The following ITGA11 variants were observed in gnomAD, a reference collection of about 807,000 sequenced individuals.
The protein encoded by ITGA11 is integrin subunit alpha 11, also known as integrin alpha-11.
A neutral mutation model predicts 141.9 loss-of-function variants in ITGA11; 97 were observed. The ratio of observed to expected loss-of-function variants is 0.68; its 90% CI spans 0.58 to 0.81. The LOEUF is 0.81. ITGA11 is among the 30% of genes least tolerant of loss of function. ITGA11 has a pLI of 0.00. For synonymous variants in ITGA11, 658 were observed against 624.6 expected (o/e 1.05, Z -0.80); for missense variants, 1,387 against 1,559.2 (o/e 0.89, Z 1.86).
intron 2 of ITGA11, among the ~76,000 whole-genome samples, chr15:68,387,787 G>A (rs774945831): frequency 5.0e-4 from 76 of 152,150 alleles, no homozygotes; most frequent in Admixed American, 1.1e-3. Context: ...AAGTCCTTAC[G>A]ATGCTGCACC....
chr15:68,336,108 G>C (rs1375878179), intron 11 of ITGA11: 2 of 539,660 alleles, frequency 3.7e-6, no homozygotes, highest in African/African-American at 1.9e-5. Context: ...AAGGAAGCCA[G>C]GTGGGACTGC....
At chr15:68,340,996 A>T (rs1038718743) in intron 10 of ITGA11, among the ~76,000 whole-genome samples, 2 of 152,174 alleles carry the variant, frequency 1.3e-5, no homozygotes, top group Non-Finnish European at 2.9e-5. Context: ...ACTCTCTCCC[A>T]CGGAGCCTTC....
chr15:68,427,941 G>A (rs1034612844), intron 1 of ITGA11, among the ~76,000 whole-genome samples: 7 of 152,168 alleles, frequency 4.6e-5, no homozygotes, highest in African/African-American at 1.7e-4. Context: ...GGGGACTTCA[G>A]TGATGAGGAT....
At chr15:68,361,404 C>A (rs577605245) in intron 5 of ITGA11, among the ~76,000 whole-genome samples, 186 bp downstream of exon 5, 1 of 152,240 alleles carries the variant, frequency 6.6e-6, no homozygotes, top group East Asian at 1.9e-4. Flanking sequence ...AGAGGGAGGC[C>A]AGGATTATGA....
intron 1 of ITGA11, among the ~76,000 whole-genome samples, chr15:68,409,776 A>T (rs527304524): frequency 6.6e-6 from 1 of 152,308 alleles, no homozygotes; most frequent in Non-Finnish European, 1.5e-5. Flanking sequence ...GTATATTATC[A>T]TTCTCATTTT....
At position 68,333,641 on chromosome 15, in the gene ITGA11, C is replaced by G. The variant is rs542218089; in HGVS notation, c.1426-1163G>C. Among the ~76,000 whole-genome samples, 2 of 152,340 alleles carry G rather than the reference C, an allele frequency of 1.3e-5. No individual in the cohort carries two copies. Among genetic ancestry groups the G allele is most frequent in the Admixed American group, 1.3e-4 (2 of 15,308 alleles). ...GGTGCCAATTCACCAACTGCTCCCCCCTGCTTCGTCCCTAGGTGAGGCGCC... is the reference window on the plus strand; with the variant it reads ...GGTGCCAATTCACCAACTGCTCCCCGCTGCTTCGTCCCTAGGTGAGGCGCC... On this transcript the variant is annotated intron_variant, in intron 12 of 29. Coordinates refer to ENST00000315757, the MANE Select transcript of ITGA11 (RefSeq NM_001004439.2). This position sits in a 1 kb window ranked among gnomAD's most constrained non-coding sequence, Gnocchi z 4.2.
intron 19 of ITGA11, among the ~76,000 whole-genome samples, chr15:68,320,603 T>C (rs1454937205): frequency 6.6e-6 from 1 of 152,148 alleles, no homozygotes; most frequent in African/African-American, 2.4e-5. Flanking sequence ...GCCCTTGGTG[T>C]CCCCACCATA....
chr15:68,402,513 C>G (rs1410358738), intron 2 of ITGA11, among the ~76,000 whole-genome samples: 2 of 152,056 alleles, frequency 1.3e-5, no homozygotes, highest in Non-Finnish European at 2.9e-5. Flanking sequence ...GTCTGGCTCT[C>G]CCTCCCCTTT....
chr15:68,348,832 C>A lies in ITGA11; in HGVS notation c.1129G>T (p.Glu377Ter), dbSNP rs1315900217. ...GTGCCCGTACCTCCACCACATACCT[C>A]CACCACGTGCGAGGAAAAGCCCGTC... ...SQTGFSSHVV[E>*]DGVLLGAVGA... Residue 377 changes from glutamate (E) to a stop codon, truncating the protein, a stop_gained and splice_region_variant, in exon 10 of 30, where the codon GAG (glutamate) becomes TAG (stop). Coordinates refer to ENST00000315757, the MANE Select transcript of ITGA11 (RefSeq NM_001004439.2). LOFTEE classifies it high-confidence loss of function. The A allele has an allele frequency of 6.2e-7, 1 of 1,607,310 alleles. No individual in the cohort carries two copies. Among genetic ancestry groups the A allele is most frequent in the African/African-American group, 1.3e-5 (1 of 74,922 alleles).
intron 1 of ITGA11, among the ~76,000 whole-genome samples, chr15:68,426,948 G>A (rs1486319669): frequency 6.7e-6 from 1 of 150,206 alleles, no homozygotes; most frequent in Non-Finnish European, 1.5e-5. Context: ...CTGGGAGGTG[G>A]AGGTTGCAAT....
chr15:68,312,258 G>A (rs1184988321), intron 24 of ITGA11, among the ~76,000 whole-genome samples: 2 of 152,196 alleles, frequency 1.3e-5, no homozygotes, highest in Admixed American at 6.5e-5. Flanking sequence ...GAGGTCACTG[G>A]AAGAGTAAGG....
intron 22 of ITGA11, among the ~76,000 whole-genome samples, chr15:68,315,070 CAGAT>C (rs539251855): frequency 1.3e-5 from 2 of 152,068 alleles, no homozygotes; most frequent in African/African-American, 2.4e-5. Context: ...GACAGACAGA[CAGAT>C]AGACAGGAAG....
rs138823580 is a variant in ITGA11 at position 68,385,269 on chromosome 15, A to ATGCCTTTGC, written c.165-15994_165-15986dup. ...CCCTGTAGTGAGGAGCTACTCGGAC[A>ATGCCTTTGC]TGCCTTTGCTGCCTCTGCTGAGGCA... On this transcript the variant is annotated intron_variant, in intron 2 of 29. Coordinates refer to ENST00000315757, the MANE Select transcript of ITGA11 (RefSeq NM_001004439.2). Among the ~76,000 whole-genome samples the ATGCCTTTGC allele has an allele frequency of 3.6e-3, 552 of 152,324 alleles. 20 individuals carry two copies. The East Asian group carries it at 0.09, about 25-fold the overall frequency.
intron 2 of ITGA11, among the ~76,000 whole-genome samples, chr15:68,389,071 T>C (rs1414753616): frequency 6.6e-6 from 1 of 152,158 alleles, no homozygotes; most frequent in African/African-American, 2.4e-5. Context: ...CTCTTTCCCA[T>C]GCTGTCCCCT....
chr15:68,390,271 C>T (rs1007615), intron 2 of ITGA11, among the ~76,000 whole-genome samples: 125,675 of 151,964 alleles, frequency 0.83, 52,188 homozygotes, highest in East Asian at 1. Context: ...ACCAGGTCTG[C>T]CCTCTTATCC....
intron 14 of ITGA11, 21 bp downstream of exon 14, chr15:68,331,838 G>A: frequency 1.3e-6 from 2 of 1,598,628 alleles, no homozygotes; most frequent in Non-Finnish European, 1.7e-6. Context: ...TGCTCCATCC[G>A]CTTCCCCAGG....
chr15:68,338,971 C>T (rs1482534468), intron 11 of ITGA11, among the ~76,000 whole-genome samples: 1 of 152,218 alleles, frequency 6.6e-6, no homozygotes, highest in Non-Finnish European at 1.5e-5. Context: ...TGGAAGGTGA[C>T]TTTGGCCAGC....
At chr15:68,386,541 G>C (rs1330511272) in intron 2 of ITGA11, among the ~76,000 whole-genome samples, 1 of 152,172 alleles carries the variant, frequency 6.6e-6, no homozygotes, top group Admixed American at 6.5e-5. Context: ...TGAGGGCGAT[G>C]AGAGTGAGGC....
chr15:68,367,972 C>A (rs1240130400), intron 3 of ITGA11, among the ~76,000 whole-genome samples: 2 of 152,250 alleles, frequency 1.3e-5, no homozygotes, highest in East Asian at 3.9e-4. Context: ...GATTTCCTCA[C>A]TGAAGTTTGG....
Sources: gnomAD v4.1 joint callset for allele counts (sites outside exome capture counted in the v4.1 genomes callset) on GRCh38, gnomAD v4.1.1 for gene constraint, Gnocchi (gnomAD v3.1) non-coding constraint, MANE v1.5 for transcripts, NCBI Gene and HGNC (gene_info 2026-07-23, HGNC 2026-07-21) for gene names.